ASAP2: variants seen among roughly 807,000 people sequenced by gnomAD.
ASAP2 encodes arf-GAP with SH3 domain, ANK repeat and PH domain-containing protein 2.
A neutral mutation model predicts 131.4 loss-of-function variants in ASAP2; 45 were observed. The ratio of observed to expected loss-of-function variants is 0.34; its 90% CI spans 0.27 to 0.44. The LOEUF is 0.44. Among genes scored for constraint, ASAP2 ranks in the 20% least tolerant of loss-of-function variants. The pLI is 1.00. For synonymous variants in ASAP2, 510 were observed against 503.0 expected, an observed-to-expected ratio of 1.01 and a Z score of -0.19; for missense variants, 1,011 against 1,297.0, an observed-to-expected ratio of 0.78 and a Z score of 3.39.
At chr2:9,318,204 C>T (rs1300730416) in intron 3 of ASAP2, among the ~76,000 whole-genome samples, 7 of 152,120 alleles carry the variant, frequency 4.6e-5, no homozygotes, top group African/African-American at 1.7e-4. Context: ...TCTAGGCTTT[C>T]GACGTAATTC....
At chr2:9,302,306 G>A (rs1668551091) in intron 3 of ASAP2, among the ~76,000 whole-genome samples, 1 of 151,568 alleles carries the variant, frequency 6.6e-6, no homozygotes, top group Non-Finnish European at 1.5e-5. Context: ...CCGAGTAGCT[G>A]GGACTACAGG....
intron 25 of ASAP2, 144 bp from the exon 26 acceptor site, chr2:9,400,598 A>G: frequency 1.4e-6 from 1 of 717,504 alleles, no homozygotes; most frequent in South Asian, 1.7e-5. Flanking sequence ...GTCTGCATCC[A>G]AGTCAGAAGG....
intron 1 of ASAP2, among the ~76,000 whole-genome samples, chr2:9,216,510 G>A (rs956672303): frequency 2.7e-5 from 4 of 145,692 alleles, no homozygotes; most frequent in Non-Finnish European, 4.5e-5. Flanking sequence ...ACCCAGGCTG[G>A]ACTGCAGTGG....
intron 2 of ASAP2, among the ~76,000 whole-genome samples, chr2:9,286,445 A>ATATATATATATAT (rs199918521): frequency 1.2e-4 from 12 of 98,562 alleles, no homozygotes; most frequent in African/African-American, 4.0e-4. Context: ...AGGAAAAAAA[A>ATATATATATATAT]AAATATATAT....
intron 11 of ASAP2, among the ~76,000 whole-genome samples, chr2:9,349,813 T>C (rs767408532): frequency 8.5e-5 from 13 of 152,212 alleles, no homozygotes; most frequent in Non-Finnish European, 1.6e-4. Flanking sequence ...GGCCTGTAAG[T>C]GCTTGAGGGT....
At chr2:9,239,382 A>G (rs1663780259) in intron 1 of ASAP2, among the ~76,000 whole-genome samples, 1 of 152,052 alleles carries the variant, frequency 6.6e-6, no homozygotes, top group Non-Finnish European at 1.5e-5. Flanking sequence ...TGTGGGGCTG[A>G]TTTGTTTAAT....
At chr2:9,317,839 G>A (rs1429468021) in intron 3 of ASAP2, among the ~76,000 whole-genome samples, 1 of 151,364 alleles carries the variant, frequency 6.6e-6, no homozygotes, top group Non-Finnish European at 1.5e-5. Flanking sequence ...CCCTTAACAT[G>A]CTCCCTCACA....
At chr2:9,347,095 C>T (rs1672016584) in intron 11 of ASAP2, among the ~76,000 whole-genome samples, 1 of 152,214 alleles carries the variant, frequency 6.6e-6, no homozygotes, top group South Asian at 2.1e-4. Flanking sequence ...TAGCAGCCAT[C>T]GCCGCCTACA....
intron 1 of ASAP2, among the ~76,000 whole-genome samples, chr2:9,249,646 C>T (rs1167972898): frequency 1.3e-5 from 2 of 152,242 alleles, no homozygotes; most frequent in African/African-American, 2.4e-5. Flanking sequence ...CCCACACTGT[C>T]GTGTGGACAG....
chr2:9,344,677 T>C, intron 10 of ASAP2, 42 bp downstream of exon 10: 2 of 1,612,782 alleles, frequency 1.2e-6, no homozygotes, highest in Non-Finnish European at 1.7e-6. Context: ...GTACGTTCGT[T>C]ATCTTGTGTC....
At chr2:9,265,133 C>G (rs1665856535) in intron 1 of ASAP2, among the ~76,000 whole-genome samples, 1 of 151,926 alleles carries the variant, frequency 6.6e-6, no homozygotes, top group African/African-American at 2.4e-5. Flanking sequence ...GAGATCCTAT[C>G]TCAAAAAAAT....
Position 9,313,332 on chromosome 2 carries a change from C to T in ASAP2, c.346-5192C>T, listed in dbSNP as rs573853618. 2.0e-5 allele frequency among the ~76,000 whole-genome samples: 3 copies of T among 152,324 alleles called. No individual in the cohort carries two copies. In the South Asian group the frequency reaches 6.2e-4, roughly 32 times the overall value. ...TTATTGGAATTAAATAACGAATAATCTCAAAATAGATGGATAAACCAAATT... is the reference window on the plus strand; with the variant it reads ...TTATTGGAATTAAATAACGAATAATTTCAAAATAGATGGATAAACCAAATT... On this transcript the variant is annotated intron_variant, in intron 3 of 27. Transcript: ENST00000281419.
intron 20 of ASAP2, among the ~76,000 whole-genome samples, chr2:9,382,448 A>G (rs1284521590): frequency 1.3e-5 from 2 of 152,230 alleles, no homozygotes; most frequent in Non-Finnish European, 2.9e-5. Context: ...AGACACCCAT[A>G]GTGTGTAACG....
intron 2 of ASAP2, among the ~76,000 whole-genome samples, chr2:9,290,737 C>G (rs984776603): frequency 6.6e-6 from 1 of 152,212 alleles, no homozygotes; most frequent in African/African-American, 2.4e-5. Flanking sequence ...CAGGTGAGCG[C>G]TGGGTCTGAG....
intron 3 of ASAP2, among the ~76,000 whole-genome samples, chr2:9,308,551 G>A (rs1183891434): frequency 1.2e-4 from 18 of 152,114 alleles, no homozygotes; most frequent in Non-Finnish European, 1.5e-4. Flanking sequence ...GTGTAAAAGG[G>A]AACAGGAGGG....
chr2:9,244,170 C>T (rs1664176537), intron 1 of ASAP2, among the ~76,000 whole-genome samples: 4 of 152,088 alleles, frequency 2.6e-5, no homozygotes, highest in African/African-American at 7.2e-5. Flanking sequence ...GTGGCACGCA[C>T]CTGTGGTCTG....
At chr2:9,378,137 T>C (rs909498638) in intron 18 of ASAP2, among the ~76,000 whole-genome samples, 1 of 152,208 alleles carries the variant, frequency 6.6e-6, no homozygotes, top group Non-Finnish European at 1.5e-5. Context: ...CCTTTTTTGA[T>C]ATTGAAAATG....
At chr2:9,366,856 A>G (rs899876510) in intron 15 of ASAP2, among the ~76,000 whole-genome samples, 1 of 152,114 alleles carries the variant, frequency 6.6e-6, no homozygotes, top group African/African-American at 2.4e-5. Context: ...ATCCTCCACT[A>G]GCCCACTAGC....
rs6727610 is a variant in ASAP2, at chr2:9,287,837, G to A, written c.199+8448G>A. 2.0e-3 allele frequency among the ~76,000 whole-genome samples: 309 copies of A among 152,312 alleles called. 2 individuals are homozygous for A. The highest frequency in any genetic ancestry group is 6.1e-3 in the African/African-American group (255 of 41,560). On this transcript the variant is annotated intron_variant, in intron 2 of 27. Coordinates refer to ENST00000281419, the MANE Select transcript of ASAP2 (RefSeq NM_003887.3). Reference sequence around the variant, plus strand: ...GATGGTGACTTGTGGAATCCTGTCCGCAGTGACCACTGCATTAGTCATGGA... The same window carrying A: ...GATGGTGACTTGTGGAATCCTGTCCACAGTGACCACTGCATTAGTCATGGA...
Sources: gnomAD v4.1 joint callset for allele counts (sites outside exome capture counted in the v4.1 genomes callset) on GRCh38, gnomAD v4.1.1 for gene constraint, MANE v1.5 for transcripts, NCBI Gene and HGNC (gene_info 2026-07-23, HGNC 2026-07-21) for gene names.